SH2D4B: variants seen among roughly 807,000 people sequenced by gnomAD.
SH2D4B encodes the protein SH2 domain containing 4B.
Under a neutral mutation model 61.5 loss-of-function variants are expected in SH2D4B, and 45 were observed. The ratio of observed to expected loss-of-function variants is 0.73; its 90% CI spans 0.58 to 0.94. The LOEUF is 0.94. Ranked by LOEUF, SH2D4B falls within the 40% of genes least tolerant of loss-of-function variation. The pLI is 0.00. For synonymous variants in SH2D4B, 224 were observed against 220.4 expected, an observed-to-expected ratio of 1.02 and a Z score of -0.14; for missense variants, 572 against 574.2, an observed-to-expected ratio of 1.00 and a Z score of 0.04.
intron 4 of SH2D4B, among the ~76,000 whole-genome samples, chr10:80,600,155 G>A (rs1276822746): frequency 6.6e-6 from 1 of 152,166 alleles, no homozygotes; most frequent in Non-Finnish European, 1.5e-5. Context: ...TGTAGATAAG[G>A]TAATTCAGGT....
intron 6 of SH2D4B, among the ~76,000 whole-genome samples, chr10:80,630,909 T>C (rs939924900): frequency 6.6e-6 from 1 of 152,178 alleles, no homozygotes; most frequent in Non-Finnish European, 1.5e-5. Flanking sequence ...TGCCTGAGCC[T>C]GGGCTCTGCT....
intron 7 of SH2D4B, 78 bp downstream of exon 7, chr10:80,634,583 G>C: frequency 6.6e-7 from 1 of 1,514,322 alleles, no homozygotes; most frequent in Non-Finnish European, 8.9e-7. Context: ...TAGAGCAAGA[G>C]AAGCAAGGCT....
chr10:80,618,877 G>A (rs1842686688), intron 6 of SH2D4B, among the ~76,000 whole-genome samples: 1 of 152,180 alleles, frequency 6.6e-6, no homozygotes, highest in African/African-American at 2.4e-5. Context: ...ACGGAATGGA[G>A]GTGGAGGGGC....
At chr10:80,634,184 G>A (rs1726375963) in intron 6 of SH2D4B, 101 bp from the exon 7 acceptor site, 2 of 1,421,474 alleles carry the variant, frequency 1.4e-6, no homozygotes, top group Non-Finnish European at 1.9e-6. Context: ...GATGGCATGT[G>A]CACTGAGCCA....
intron 1 of SH2D4B, among the ~76,000 whole-genome samples, chr10:80,553,172 C>A (rs1279408772): frequency 1.3e-5 from 2 of 152,230 alleles, no homozygotes; most frequent in East Asian, 1.9e-4. Flanking sequence ...CCCACCATGG[C>A]CTCCCAAAGT....
chr10:80,623,444 A>C (rs1354659389), intron 6 of SH2D4B, among the ~76,000 whole-genome samples: 2 of 152,156 alleles, frequency 1.3e-5, no homozygotes, highest in African/African-American at 4.8e-5. Flanking sequence ...CTCACTACTT[A>C]ATTATCTCCT....
At chr10:80,541,410 C>T (rs1841577030) in intron 1 of SH2D4B, among the ~76,000 whole-genome samples, 1 of 152,236 alleles carries the variant, frequency 6.6e-6, no homozygotes, top group South Asian at 2.1e-4. Flanking sequence ...CAGGCATCCT[C>T]TTTCCTGGTC....
chr10:80,624,382 C>T (rs528511874), intron 6 of SH2D4B, among the ~76,000 whole-genome samples: 3 of 152,222 alleles, frequency 2.0e-5, no homozygotes, highest in Admixed American at 6.5e-5. Flanking sequence ...GCCTAGAAAA[C>T]GCTCTTTCCT....
chr10:80,608,095 C>A (rs1842541655), intron 5 of SH2D4B, among the ~76,000 whole-genome samples: 2 of 152,154 alleles, frequency 1.3e-5, no homozygotes, highest in South Asian at 2.1e-4. Flanking sequence ...TGGGGTTTCA[C>A]CACAACTCCT....
At position 80,644,192 on chromosome 10, in the gene SH2D4B, A is replaced by G; in HGVS notation, c.*107A>G. Reference sequence around the variant, plus strand: ...CCTTCTGGAAGATCCACCACTATCCAAAGGAAAAAGTAGATTAATATGCCT... The same window carrying G: ...CCTTCTGGAAGATCCACCACTATCCGAAGGAAAAAGTAGATTAATATGCCT... On this transcript the variant is annotated 3_prime_UTR_variant, in exon 8 of 8. Coordinates refer to ENST00000646907, the MANE Select transcript of SH2D4B (RefSeq NM_001388272.1). The G allele has an allele frequency of 2.4e-6, 2 of 849,190 alleles. No homozygotes were observed. The highest frequency in any genetic ancestry group is 1.9e-6 in the Non-Finnish European group (1 of 525,682). The allele number at this position is 849,190 out of a possible 1,614,324, so 52.6% of individuals were successfully genotyped here.
intron 5 of SH2D4B, among the ~76,000 whole-genome samples, chr10:80,605,659 TG>T (rs1842510284): frequency 1.3e-5 from 2 of 152,086 alleles, no homozygotes; most frequent in East Asian, 3.9e-4. Flanking sequence ...GCTGGGATTA[TG>T]GGTGCGTGCC....
At position 80,629,041 on chromosome 10, in the gene SH2D4B, A is replaced by AAG. The variant is rs1554818356; in HGVS notation, c.989-5244_989-5243insAG. Among the ~76,000 whole-genome samples the AAG allele has an allele frequency of 3.5e-5, 5 of 144,064 alleles. No homozygotes were observed. In the East Asian group the frequency reaches 9.8e-4, roughly 28 times the overall value. 94.5% of individuals were successfully genotyped at this position (144,064 alleles called of 152,430 possible). On this transcript the variant is annotated intron_variant, in intron 6 of 7. Coordinates refer to ENST00000646907, the MANE Select transcript of SH2D4B (RefSeq NM_001388272.1). ...CGAGACTCTATCTCAAAAAAAAAAA[A>AAG]GAAAAAGAAAAAGAAATACCCAAGA...
rs1240940126 is a variant in SH2D4B, at chr10:80,539,055, G to A, written c.184+540G>A. ...GCCCCACTGGGCATCCGGAGAGAGG[G>A]CATCAGGGAACGTCCCACACAATGA... is the stretch of plus-strand genomic sequence containing the variant. On this transcript the variant is annotated intron_variant, in intron 1 of 7. Transcript: ENST00000646907. This position sits in a 1 kb window ranked among gnomAD's most constrained non-coding sequence, Gnocchi z 4.9. Among the ~76,000 whole-genome samples the A allele has an allele frequency of 6.6e-6, 1 of 152,232 alleles. No homozygotes were observed. The highest frequency in any genetic ancestry group is 1.5e-5 in the Non-Finnish European group (1 of 68,040).
At chr10:80,557,919 TG>T (rs1262456043) in intron 1 of SH2D4B, among the ~76,000 whole-genome samples, 2 of 152,154 alleles carry the variant, frequency 1.3e-5, no homozygotes, top group African/African-American at 4.8e-5. Context: ...TTTCTTAGTG[TG>T]GGAGCTTAGA....
At chr10:80,622,424 C>T (rs909344459) in intron 6 of SH2D4B, among the ~76,000 whole-genome samples, 1 of 152,178 alleles carries the variant, frequency 6.6e-6, no homozygotes, top group Non-Finnish European at 1.5e-5. Flanking sequence ...TGCAGTTAAA[C>T]GAGGGCCAGG....
At chr10:80,608,163 A>C (rs1278626526) in intron 5 of SH2D4B, among the ~76,000 whole-genome samples, 1 of 152,214 alleles carries the variant, frequency 6.6e-6, no homozygotes, top group Non-Finnish European at 1.5e-5. Flanking sequence ...GAGAACCTCA[A>C]TTTGCTCTGG....
At chr10:80,575,027 A>G (rs939346323) in intron 3 of SH2D4B, among the ~76,000 whole-genome samples, 3 of 150,094 alleles carry the variant, frequency 2.0e-5, no homozygotes, top group Non-Finnish European at 4.4e-5. Context: ...ATGGAGTATA[A>G]TGTGGAAAAC....
chr10:80,543,312 G>A (rs1841610235), intron 1 of SH2D4B, among the ~76,000 whole-genome samples: 1 of 152,264 alleles, frequency 6.6e-6, no homozygotes, highest in South Asian at 2.1e-4. Flanking sequence ...GTTCCGGGGG[G>A]CGTGGGCTGG....
chr10:80,603,570 TC>T lies in SH2D4B; in HGVS notation c.644-8del. 6.5e-7 allele frequency: 1 copy of T among 1,537,094 alleles called. No individual in the cohort carries two copies. The highest frequency in any genetic ancestry group is 8.8e-7 in the Non-Finnish European group (1 of 1,136,942). On this transcript the variant is annotated splice_polypyrimidine_tract_variant and splice_region_variant and intron_variant, in intron 4 of 7. Coordinates refer to ENST00000646907, the MANE Select transcript of SH2D4B (RefSeq NM_001388272.1). ...GATCTGGGCTAACGTGCTGTCTTCC[TC>T]TTTCCAGTGCGCCGGTCCAAGGCGG...
Sources: allele counts gnomAD v4.1 joint callset (sites outside exome capture counted in the v4.1 genomes callset), GRCh38; gene constraint gnomAD v4.1.1; non-coding constraint Gnocchi (gnomAD v3.1); transcripts MANE v1.5; gene names NCBI Gene and HGNC (gene_info 2026-07-23, HGNC 2026-07-21).